Variants in DOCK3 observed in about 807,000 individuals in gnomAD.
The protein encoded by DOCK3 is dedicator of cytokinesis 3, also known as dedicator of cytokinesis protein 3.
DOCK3 carries 60 observed loss-of-function variants against 265.6 expected under a neutral mutation model. The ratio of observed to expected loss-of-function variants is 0.23; its 90% confidence interval spans 0.18 to 0.28. The LOEUF is 0.28. Ranked by LOEUF, DOCK3 falls within the 10% of genes least tolerant of loss-of-function variation. The pLI, the probability that DOCK3 is intolerant of heterozygous loss-of-function variation, is 1.00. For synonymous variants in DOCK3, 881 were observed against 938.0 expected (o/e 0.94, Z 1.11); for missense variants, 1,981 against 2,594.3 (o/e 0.76, Z 5.14).
intron 2 of DOCK3, among the ~76,000 whole-genome samples, chr3:50,831,185 T>TTTTTTTTATTTA (rs1421844322): frequency 2.8e-5 from 2 of 72,036 alleles, no homozygotes; most frequent in African/African-American, 1.1e-4. Flanking sequence ...CTGCAACCTG[T>TTTTTTTTATTTA]TTTATTTATT....
In DOCK3 at chr3:51,246,156, T is replaced by G. The variant is rs182765974; in HGVS notation, c.2103-570T>G. 3.2e-3 allele frequency among the ~76,000 whole-genome samples: 490 copies of G among 152,032 alleles called. 7 individuals are homozygous for G. Among genetic ancestry groups the G allele is most frequent in the African/African-American group, 0.011 (446 of 41,498 alleles). On this transcript the variant is annotated intron_variant, in intron 21 of 52. Coordinates refer to ENST00000266037, the MANE Select transcript of DOCK3 (RefSeq NM_004947.5). The stretch of plus-strand genomic sequence containing the variant: ...TATTCAGAATCTACTATTTACTGGC[T>G]GGTGTCAGATGTTCTGAAAACCTAG...
rs931728542 is a variant in DOCK3 at position 51,361,485 on chromosome 3, G to A, written c.5007-374G>A. Among the ~76,000 whole-genome samples the A allele has an allele frequency of 1.3e-5, 2 of 152,102 alleles. No homozygotes were observed. The highest frequency in any genetic ancestry group is 4.1e-4 in the South Asian group (2 of 4,822). On this transcript the variant is annotated intron_variant, in intron 47 of 52. Transcript: ENST00000266037. This position sits in a 1 kb window ranked among gnomAD's most constrained non-coding sequence, Gnocchi z 4.2. ...ATCCCATCATGGTGTGGGGGGGTTGGGGGGTGGGCACTGACCCAGACTAAT... is the reference window on the plus strand; with the variant it reads ...ATCCCATCATGGTGTGGGGGGGTTGAGGGGTGGGCACTGACCCAGACTAAT...
chr3:51,185,834 G>GA (rs2087568316), intron 12 of DOCK3, among the ~76,000 whole-genome samples: 1 of 152,162 alleles, frequency 6.6e-6, no homozygotes. Flanking sequence ...ATACATGTAA[G>GA]ATGTGATTTG....
intron 12 of DOCK3, among the ~76,000 whole-genome samples, chr3:51,172,179 CT>C (rs111238598): frequency 0.86 from 118,310 of 137,276 alleles, 51,239 homozygotes; most frequent in African/African-American, 0.93. Context: ...AATATCGTTT[CT>C]TTTTTTTTTT....
chr3:50,696,144 A>G (rs1353221025), intron 1 of DOCK3, among the ~76,000 whole-genome samples: 3 of 152,200 alleles, frequency 2.0e-5, no homozygotes, highest in Non-Finnish European at 4.4e-5. Flanking sequence ...TACTCCTTTT[A>G]TAATTGGGGA....
chr3:50,713,057 C>T (rs761533388), intron 1 of DOCK3, among the ~76,000 whole-genome samples: 1 of 152,066 alleles, frequency 6.6e-6, no homozygotes, highest in East Asian at 1.9e-4. Flanking sequence ...GGGAGTGCAC[C>T]TTTGTTAGTT....
intron 22 of DOCK3, among the ~76,000 whole-genome samples, chr3:51,255,344 C>G (rs770223537): frequency 6.6e-6 from 1 of 152,110 alleles, no homozygotes; most frequent in Non-Finnish European, 1.5e-5. Context: ...AGTTATGTGT[C>G]TTGGAGTTGC....
chr3:50,761,769 C>T (rs1024234553), intron 1 of DOCK3, among the ~76,000 whole-genome samples: 1 of 152,110 alleles, frequency 6.6e-6, no homozygotes, highest in Non-Finnish European at 1.5e-5. Context: ...TATATACCCA[C>T]AGGATTATAA....
chr3:50,950,008 A>G (rs1304986225), intron 5 of DOCK3, among the ~76,000 whole-genome samples: 1 of 147,310 alleles, frequency 6.8e-6, no homozygotes. Flanking sequence ...TTATTTTTAA[A>G]TCTTTTTTTT....
chr3:50,988,617 A>C (rs1426237863), intron 5 of DOCK3, among the ~76,000 whole-genome samples: 1 of 152,018 alleles, frequency 6.6e-6, no homozygotes, highest in African/African-American at 2.4e-5. Flanking sequence ...GTCTCCAGCC[A>C]CCTACAGGTG....
At chr3:51,367,105 T>A (rs1054904664) in intron 49 of DOCK3, among the ~76,000 whole-genome samples, 1 of 152,214 alleles carries the variant, frequency 6.6e-6, no homozygotes, top group African/African-American at 2.4e-5. Context: ...AGTCTCCCAT[T>A]GTTATTGTGT....
intron 5 of DOCK3, among the ~76,000 whole-genome samples, chr3:51,047,055 A>G (rs2080804168): frequency 6.6e-6 from 1 of 152,114 alleles, no homozygotes; most frequent in African/African-American, 2.4e-5. Context: ...AAAGAGATAA[A>G]TTTATAGTGA....
intron 9 of DOCK3, among the ~76,000 whole-genome samples, chr3:51,096,837 C>T (rs2082877859): frequency 1.3e-5 from 2 of 152,188 alleles, no homozygotes; most frequent in East Asian, 1.9e-4. Context: ...TGTGGACATC[C>T]TTTTTGTTGA....
intron 1 of DOCK3, among the ~76,000 whole-genome samples, chr3:50,732,444 C>T (rs1338307740): frequency 6.6e-6 from 1 of 152,136 alleles, no homozygotes. Context: ...CACTGTGTTG[C>T]CCAGTCTGCA....
intron 5 of DOCK3, among the ~76,000 whole-genome samples, chr3:50,971,206 A>G (rs1230196327): frequency 2.6e-5 from 4 of 151,168 alleles, no homozygotes; most frequent in African/African-American, 9.7e-5. Context: ...AGTATGATCT[A>G]TTGCTGAGGA....
intron 9 of DOCK3, among the ~76,000 whole-genome samples, chr3:51,125,711 T>TA (rs915888939): frequency 1.4e-4 from 22 of 151,958 alleles, no homozygotes; most frequent in African/African-American, 2.4e-5. Flanking sequence ...TGGCAAACTA[T>TA]AAAAAAAACT....
At chr3:51,153,546 G>A (rs977588152) in intron 10 of DOCK3, among the ~76,000 whole-genome samples, 1 of 152,166 alleles carries the variant, frequency 6.6e-6, no homozygotes, top group African/African-American at 2.4e-5. Context: ...AGATGAACCA[G>A]GTACCTTAGT....
At chr3:51,345,279 C>T (rs2085486226) in intron 38 of DOCK3, among the ~76,000 whole-genome samples, 1 of 152,136 alleles carries the variant, frequency 6.6e-6, no homozygotes. Flanking sequence ...CACTGAGGCA[C>T]AGGCATTATA....
intron 5 of DOCK3, among the ~76,000 whole-genome samples, chr3:51,025,589 C>T (rs2079780367): frequency 6.6e-6 from 1 of 152,202 alleles, no homozygotes; most frequent in Admixed American, 6.5e-5. Flanking sequence ...GTCTGCAGCT[C>T]ACTTCCTGCT....
Sources: gnomAD v4.1 joint callset for allele counts (sites outside exome capture counted in the v4.1 genomes callset) on GRCh38, gnomAD v4.1.1 for gene constraint, Gnocchi (gnomAD v3.1) non-coding constraint, MANE v1.5 for transcripts, NCBI Gene and HGNC (gene_info 2026-07-23, HGNC 2026-07-21) for gene names.